Variants in CACNA2D3 observed in about 807,000 individuals in gnomAD.
CACNA2D3 encodes the protein calcium voltage-gated channel auxiliary subunit alpha2delta 3, also known as voltage-dependent calcium channel subunit alpha-2/delta-3.
A neutral mutation model predicts 160.6 loss-of-function variants in CACNA2D3; 60 were observed. The ratio of observed to expected loss-of-function variants is 0.37; its 90% CI spans 0.30 to 0.46. CACNA2D3 has a LOEUF of 0.46. Ranked by LOEUF, CACNA2D3 falls within the 20% of genes least tolerant of loss-of-function variation. The probability of loss-of-function intolerance (pLI) is 1.00; values close to 1 mark genes in which losing one functional copy is unlikely to be tolerated. For synonymous variants in CACNA2D3, 558 were observed against 492.9 expected (o/e 1.13, Z -1.75); for missense variants, 1,205 against 1,365.0 (o/e 0.88, Z 1.85).
intron 13 of CACNA2D3, among the ~76,000 whole-genome samples, chr3:54,790,783 T>C (rs1702738467): frequency 6.6e-6 from 1 of 152,178 alleles, no homozygotes; most frequent in Non-Finnish European, 1.5e-5. Context: ...GCTGGTGCTG[T>C]CACTGTGTGC....
intron 11 of CACNA2D3, among the ~76,000 whole-genome samples, chr3:54,701,792 A>G (rs1700771746): frequency 6.6e-6 from 1 of 152,198 alleles, no homozygotes. Context: ...AGCCAAAGCA[A>G]TCTTAAGCCG....
At chr3:54,817,064 C>A (rs1327950380) in intron 14 of CACNA2D3, among the ~76,000 whole-genome samples, 194 bp downstream of exon 14, 1 of 152,162 alleles carries the variant, frequency 6.6e-6, no homozygotes, top group East Asian at 1.9e-4. Context: ...GAGTTAGTCC[C>A]TCCAAAGGAC....
At chr3:54,438,941 A>G (rs962656748) in intron 4 of CACNA2D3, among the ~76,000 whole-genome samples, 5 of 152,220 alleles carry the variant, frequency 3.3e-5, no homozygotes, top group Admixed American at 3.3e-4. Context: ...GCAAGCATAC[A>G]TTTTGTACCT....
At chr3:54,330,330 C>A (rs986316744) in intron 3 of CACNA2D3, among the ~76,000 whole-genome samples, 1 of 151,662 alleles carries the variant, frequency 6.6e-6, no homozygotes, top group Non-Finnish European at 1.5e-5. Context: ...TGGAGCATTT[C>A]GTGAGTGTGT....
chr3:54,848,436 C>T (rs1404327066), intron 17 of CACNA2D3, among the ~76,000 whole-genome samples: 1 of 152,182 alleles, frequency 6.6e-6, no homozygotes. Context: ...AAACAAATGC[C>T]CCATATTCTG....
In CACNA2D3 at chr3:54,857,712, A is replaced by T. The variant is rs997531689; in HGVS notation, c.1626+11245A>T. ...CTGAGAGAATTCAAGCCAAGACACCAGCAGGCTGATGTGTCTCTGCAAAAA... is the reference window on the plus strand; with the variant it reads ...CTGAGAGAATTCAAGCCAAGACACCTGCAGGCTGATGTGTCTCTGCAAAAA... On this transcript the variant is annotated intron_variant, in intron 17 of 37. Transcript: ENST00000474759. Among the ~76,000 whole-genome samples, 7 of 152,346 alleles carry T rather than the reference A, an allele frequency of 4.6e-5. No individual in the cohort carries two copies. The South Asian group carries it at 1.2e-3, about 27-fold the overall frequency.
At chr3:54,248,453 C>T (rs1319000591) in intron 2 of CACNA2D3, among the ~76,000 whole-genome samples, 1 of 148,912 alleles carries the variant, frequency 6.7e-6, no homozygotes, top group Non-Finnish European at 1.5e-5. Flanking sequence ...TGCACTCCAG[C>T]CCGGGCAACA....
At chr3:54,273,720 G>T (rs941144095) in intron 2 of CACNA2D3, among the ~76,000 whole-genome samples, 6 of 152,154 alleles carry the variant, frequency 3.9e-5, no homozygotes, top group African/African-American at 1.2e-4. Flanking sequence ...GACCGTTCTC[G>T]GAGTTTGAGG....
chr3:54,672,817 G>A (rs916767547), intron 11 of CACNA2D3, among the ~76,000 whole-genome samples: 7 of 152,184 alleles, frequency 4.6e-5, no homozygotes, highest in Admixed American at 2.6e-4. Flanking sequence ...AGGATTAAAG[G>A]AGATAGTGCC....
chr3:54,136,459 C>G (rs968530910), intron 2 of CACNA2D3, among the ~76,000 whole-genome samples: 1 of 152,230 alleles, frequency 6.6e-6, no homozygotes, highest in Non-Finnish European at 1.5e-5. Flanking sequence ...TGTTGGACAT[C>G]CTTTTCTTTC....
At chr3:54,165,840 G>C (rs1451576222) in intron 2 of CACNA2D3, among the ~76,000 whole-genome samples, 1 of 152,068 alleles carries the variant, frequency 6.6e-6, no homozygotes, top group Non-Finnish European at 1.5e-5. Flanking sequence ...CTGATTCTGT[G>C]CTCTGGATCC....
At chr3:54,971,959 G>A (rs1024496709) in intron 29 of CACNA2D3, among the ~76,000 whole-genome samples, 15 of 152,082 alleles carry the variant, frequency 9.9e-5, no homozygotes, top group African/African-American at 3.4e-4. Flanking sequence ...TGCATGGTAT[G>A]GCTCCTGGAA....
At chr3:54,845,518 A>G (rs1698913711) in intron 16 of CACNA2D3, among the ~76,000 whole-genome samples, 1 of 152,228 alleles carries the variant, frequency 6.6e-6, no homozygotes, top group Non-Finnish European at 1.5e-5. Context: ...ACAGATCAGT[A>G]TGGGTTTTAT....
chr3:54,669,319 G>A (rs1700119327), intron 11 of CACNA2D3, among the ~76,000 whole-genome samples: 1 of 152,184 alleles, frequency 6.6e-6, no homozygotes, highest in Non-Finnish European at 1.5e-5. Context: ...TGTGCTCAAG[G>A]AGCATTGTGT....
intron 13 of CACNA2D3, among the ~76,000 whole-genome samples, chr3:54,814,692 C>T (rs989429260): frequency 2.6e-5 from 4 of 152,206 alleles, no homozygotes; most frequent in Admixed American, 2.6e-4. Context: ...AGGATGAGGG[C>T]AGTCTTAAAC....
chr3:54,146,738 G>T (rs1398943270), intron 2 of CACNA2D3, among the ~76,000 whole-genome samples: 2 of 152,234 alleles, frequency 1.3e-5, no homozygotes, highest in Non-Finnish European at 2.9e-5. Context: ...GGCCCTGAGG[G>T]AGTCTGCGGG....
intron 2 of CACNA2D3, among the ~76,000 whole-genome samples, chr3:54,294,574 T>C (rs55768606): frequency 0.21 from 31,586 of 152,056 alleles, 3,464 homozygotes; most frequent in South Asian, 0.32. Context: ...GTGGGGAGTG[T>C]GTGGACTTGT....
rs188228783 is a variant in CACNA2D3 at position 55,038,054 on chromosome 3, C to G, written c.2987+19737C>G. On this transcript the variant is annotated intron_variant, in intron 35 of 37. Transcript: ENST00000474759. ...CTTATTTTGCCTTAAATTTAGGACTCTCTCTCTCTTTCACTAACATCCATG... is the reference window on the plus strand; with the variant it reads ...CTTATTTTGCCTTAAATTTAGGACTGTCTCTCTCTTTCACTAACATCCATG... Among the ~76,000 whole-genome samples the G allele has an allele frequency of 9.9e-5, 15 of 152,164 alleles. No individual in the cohort carries two copies. In the East Asian group the frequency reaches 2.7e-3, roughly 28 times the overall value.
chr3:54,401,964 G>T (rs865935743), intron 4 of CACNA2D3, among the ~76,000 whole-genome samples: 1 of 152,044 alleles, frequency 6.6e-6, no homozygotes, highest in Non-Finnish European at 1.5e-5. Context: ...AATATAAAAA[G>T]ACGTAAATTC....
Sources: gnomAD v4.1 joint callset for allele counts (sites outside exome capture counted in the v4.1 genomes callset) on GRCh38, gnomAD v4.1.1 for gene constraint, MANE v1.5 for transcripts, NCBI Gene and HGNC (gene_info 2026-07-23, HGNC 2026-07-21) for gene names.